The following DMD variants were observed in gnomAD, a reference collection of about 807,000 sequenced individuals.
The protein encoded by DMD is mutant dystrophin.
In DMD, 63 loss-of-function variants were observed where a neutral mutation model predicts 330.1. The ratio of observed to expected loss-of-function variants is 0.19; its 90% confidence interval spans 0.16 to 0.24. The LOEUF is 0.24. Ranked by LOEUF, DMD falls within the 10% of genes least tolerant of loss-of-function variation. The pLI, the probability that DMD is intolerant of heterozygous loss-of-function variation, is 1.00. For missense variants in DMD, 3,344 were observed against 2,684.1 expected (o/e 1.25, Z -5.43); for synonymous variants, 1,223 against 959.8 (o/e 1.27, Z -5.07).
chrX:31,229,110 T>G (rs2046962458), intron 63 of DMD, among the ~76,000 whole-genome samples: 1 of 112,321 alleles, frequency 8.9e-6, no homozygotes, highest in African/African-American at 3.2e-5. Context: ...TCACTTTTAC[T>G]CTGTGTAATA....
At chrX:32,602,608 T>C (rs895304593) in intron 12 of DMD, among the ~76,000 whole-genome samples, 2 of 111,425 alleles carry the variant, frequency 1.8e-5, no homozygotes, top group African/African-American at 6.5e-5. Flanking sequence ...ATAGTCTCTT[T>C]TTCCTCTATT....
At chrX:32,856,834 G>A (rs1156588713) in intron 2 of DMD, among the ~76,000 whole-genome samples, 1 of 111,721 alleles carries the variant, frequency 9.0e-6, no homozygotes, top group East Asian at 2.8e-4. Flanking sequence ...CCAACACTTT[G>A]GGAGGCCGAG....
chrX:31,831,925 A>T (rs1168896589), intron 49 of DMD, among the ~76,000 whole-genome samples: 2 of 112,962 alleles, frequency 1.8e-5, no homozygotes, highest in Non-Finnish European at 3.7e-5. Flanking sequence ...TTAAAAAAAT[A>T]AAATGTTGCT....
chrX:31,398,397 G>A (rs769059321), intron 60 of DMD, among the ~76,000 whole-genome samples: 3 of 112,310 alleles, frequency 2.7e-5, no homozygotes, highest in African/African-American at 6.5e-5. Flanking sequence ...GCCAGAGGCC[G>A]AAGAGTAAAT....
chrX:31,147,429 G>A lies in DMD; in HGVS notation c.10643C>T (p.Thr3548Ile), dbSNP rs139492098. 78 of 1,204,994 alleles carry A rather than the reference G, an allele frequency of 6.5e-5. No homozygotes were observed. The highest frequency in any genetic ancestry group is 2.0e-4 in the African/African-American group (11 of 56,168). ...PLPSPPEMMP[T>I]SPQSPRDAEL... is the part of the protein sequence containing the mutation. ...AGCATCCCGGGGACTCTGGGGAGAG[G>A]TGGGCATCATTTCAGGAGGGGACGG... The change falls in exon 75 of 79, where the codon ACC (threonine) becomes ATC (isoleucine). Residue 3548 changes from threonine (T) to isoleucine (I), a missense_variant. By Grantham distance (89) the Thr-to-Ile change is moderately conservative (BLOSUM62 -1). Transcript: ENST00000357033.
chrX:32,222,753 T>A (rs1308849532), intron 43 of DMD, among the ~76,000 whole-genome samples: 2 of 111,753 alleles, frequency 1.8e-5, no homozygotes, highest in Non-Finnish European at 3.8e-5. Context: ...GACCCACCCA[T>A]AAATTAGAAA....
chrX:31,965,599 G>A (rs948409255), intron 45 of DMD, among the ~76,000 whole-genome samples: 8 of 111,284 alleles, frequency 7.2e-5, no homozygotes, highest in African/African-American at 2.6e-4. Context: ...TGAAGAGCAT[G>A]GCGCCCCTTG....
intron 47 of DMD, among the ~76,000 whole-genome samples, chrX:31,908,226 A>G (rs988409979): frequency 1.8e-5 from 2 of 112,012 alleles, no homozygotes; most frequent in African/African-American, 6.5e-5. Context: ...TATATACCCA[A>G]AGGATTATAA....
intron 55 of DMD, among the ~76,000 whole-genome samples, chrX:31,605,935 A>G (rs749101238): frequency 1.0e-3 from 112 of 111,777 alleles, no homozygotes; most frequent in African/African-American, 3.6e-3. Flanking sequence ...AACAAAAAAC[A>G]GAGTTTTTGG....
chrX:31,376,689 G>C (rs2404681), intron 60 of DMD, among the ~76,000 whole-genome samples: 52,319 of 110,915 alleles, frequency 0.47, 8,957 homozygotes, highest in Non-Finnish European at 0.49. Flanking sequence ...TGACCAAGAA[G>C]TTGGAGGTGC....
intron 70 of DMD, 61 bp from the exon 71 acceptor site, chrX:31,178,031 T>C: frequency 1.8e-6 from 2 of 1,124,829 alleles, no homozygotes; most frequent in Non-Finnish European, 2.4e-6. Flanking sequence ...CAAAAAAATT[T>C]ACTGAAAGGT....
chrX:33,335,142 C>A (rs1251771761), intron 1 of DMD, among the ~76,000 whole-genome samples: 1 of 110,165 alleles, frequency 9.1e-6, no homozygotes, highest in Admixed American at 9.8e-5. Context: ...GTTTGTAGGA[C>A]CTTTTAGCAT....
At chrX:33,203,718 T>A (rs2051410876) in intron 1 of DMD, among the ~76,000 whole-genome samples, 1 of 110,267 alleles carries the variant, frequency 9.1e-6, no homozygotes, top group African/African-American at 3.3e-5. Flanking sequence ...GATCTCCTCT[T>A]CACACTCTAT....
intron 2 of DMD, among the ~76,000 whole-genome samples, chrX:32,957,233 T>C (rs749542154): frequency 9.3e-4 from 104 of 111,756 alleles, no homozygotes; most frequent in Non-Finnish European, 1.7e-3. Flanking sequence ...TCGTAAACTC[T>C]TGTTTTTTTA....
intron 63 of DMD, among the ~76,000 whole-genome samples, chrX:31,255,865 T>C (rs144934500): frequency 0.03 from 3,016 of 100,673 alleles, 126 homozygotes; most frequent in African/African-American, 0.1. Flanking sequence ...AACCTCCGAC[T>C]CCTGGGTTCA....
chrX:31,155,040 T>G (rs2037941322), intron 74 of DMD, among the ~76,000 whole-genome samples: 1 of 112,210 alleles, frequency 8.9e-6, no homozygotes, highest in Non-Finnish European at 1.9e-5. Flanking sequence ...ACATACAAAT[T>G]TACACTCAAA....
At chrX:32,068,963 C>T (rs1024864291) in intron 44 of DMD, among the ~76,000 whole-genome samples, 1 of 111,468 alleles carries the variant, frequency 9.0e-6, no homozygotes, top group East Asian at 2.8e-4. Flanking sequence ...CAATATTGTT[C>T]AGAGACATTT....
At chrX:31,561,526 C>A (rs757176724) in intron 55 of DMD, among the ~76,000 whole-genome samples, 1 of 112,145 alleles carries the variant, frequency 8.9e-6, no homozygotes, top group East Asian at 2.8e-4. Context: ...GTGCTAGTTA[C>A]AGACTCAAGT....
chrX:33,001,694 T>A (rs1282256846), intron 2 of DMD, among the ~76,000 whole-genome samples: 1 of 105,438 alleles, frequency 9.5e-6, no homozygotes, highest in African/African-American at 3.4e-5. Flanking sequence ...GAATATAAAA[T>A]AAAGAAAAAC....
Sources: allele counts gnomAD v4.1 joint callset (sites outside exome capture counted in the v4.1 genomes callset), GRCh38; gene constraint gnomAD v4.1.1; transcripts MANE v1.5; gene names NCBI Gene and HGNC (gene_info 2026-07-23, HGNC 2026-07-21).